Variants in IQSEC1 observed in about 807,000 individuals in gnomAD.
The protein encoded by IQSEC1 is IQ motif and SEC7 domain-containing protein 1.
A neutral mutation model predicts 91.0 loss-of-function variants in IQSEC1; 31 were observed. The observed-to-expected ratio is 0.34, with a 90% CI of 0.26 to 0.46. The LOEUF (loss-of-function observed/expected upper bound fraction) is 0.46, where lower values mean the gene tolerates loss of function less well. Among genes scored for constraint, IQSEC1 ranks in the 20% least tolerant of loss-of-function variants. IQSEC1 has a pLI of 1.00. For synonymous variants in IQSEC1, 699 were observed against 662.6 expected (o/e 1.05, Z -0.84); for missense variants, 1,388 against 1,575.6 (o/e 0.88, Z 2.02).
chr3:13,220,307 A>G (rs1400164387), intron 1 of IQSEC1, among the ~76,000 whole-genome samples: 2 of 152,236 alleles, frequency 1.3e-5, no homozygotes, highest in African/African-American at 4.8e-5. Context: ...AAATGGTCAC[A>G]TAGGGCCTGT....
Position 12,985,659 on chromosome 3 carries a change from GA to G in IQSEC1, c.24-43795del, listed in dbSNP as rs1166725936. ...GGGCGGATTTAAAGGACGGGTGGCA[GA>G]GTGGGGGGGGTCACTGGATAGGGGA... On this transcript the variant is annotated intron_variant, in intron 1 of 13. Transcript: ENST00000613206. Among the ~76,000 whole-genome samples the G allele has an allele frequency of 7.9e-5, 12 of 152,280 alleles. 1 individual carries two copies. The highest frequency in any genetic ancestry group is 5.2e-4 in the Admixed American group (8 of 15,308).
At chr3:13,226,941 CAG>C (rs1694763207) in intron 1 of IQSEC1, among the ~76,000 whole-genome samples, 1 of 152,156 alleles carries the variant, frequency 6.6e-6, no homozygotes, top group Non-Finnish European at 1.5e-5. Flanking sequence ...GCACACCCAG[CAG>C]AGTCCTCCCT....
At chr3:13,218,229 C>G (rs1336577631) in intron 1 of IQSEC1, among the ~76,000 whole-genome samples, 3 of 152,198 alleles carry the variant, frequency 2.0e-5, no homozygotes, top group African/African-American at 7.2e-5. Context: ...TGTGCGAGGC[C>G]TGGGGCAAGG....
chr3:12,967,655 C>G lies in IQSEC1; in HGVS notation c.24-25790G>C. ...TCCGGCCCCAAGTCCGAGCCCCAGG[C>G]CAGCCAAGCCCGCCCCTCCGCCGCC... On this transcript the variant is annotated intron_variant, in intron 1 of 13. Coordinates refer to ENST00000613206, the MANE Select transcript of IQSEC1 (RefSeq NM_001134382.3). The surrounding 1 kb of genome is among the most constrained non-coding windows in gnomAD (Gnocchi z 5.9). The G allele has an allele frequency of 8.4e-7, 1 of 1,192,458 alleles. No individual in the cohort carries two copies. Among genetic ancestry groups the G allele is most frequent in the Non-Finnish European group, 1.0e-6 (1 of 964,002 alleles). The allele number at this position is 1,192,458 out of a possible 1,614,324, so 73.9% of individuals were successfully genotyped here. A position where few individuals can be genotyped will look rare whatever the true frequency, so the allele number is the denominator to read the frequency against.
intron 1 of IQSEC1, among the ~76,000 whole-genome samples, chr3:13,062,937 G>C (rs1705116237): frequency 6.6e-6 from 1 of 152,248 alleles, no homozygotes; most frequent in Admixed American, 6.5e-5. Flanking sequence ...AGCCACAGGG[G>C]TTGCTCTGAC....
intron 1 of IQSEC1, among the ~76,000 whole-genome samples, chr3:13,247,221 T>C (rs1695123172): frequency 6.6e-6 from 1 of 152,170 alleles, no homozygotes; most frequent in African/African-American, 2.4e-5. Context: ...ACCTAATAGA[T>C]GTGCCTGCCC....
chr3:13,129,815 G>A (rs576212027), intron 2 of IQSEC1, among the ~76,000 whole-genome samples: 135 of 151,482 alleles, frequency 8.9e-4, no homozygotes, highest in Non-Finnish European at 1.7e-3. Flanking sequence ...CCAACACCAC[G>A]CCCGGCTAGT....
intron 2 of IQSEC1, among the ~76,000 whole-genome samples, chr3:13,097,572 C>T (rs528540387): frequency 4.9e-4 from 75 of 152,320 alleles, no homozygotes; most frequent in African/African-American, 1.5e-3. Flanking sequence ...GCTCTGCAGC[C>T]GCCAGCCCCC....
At chr3:13,264,920 C>G (rs1695460415) in intron 1 of IQSEC1, among the ~76,000 whole-genome samples, 1 of 152,034 alleles carries the variant, frequency 6.6e-6, no homozygotes. Context: ...CTCTCCCTCT[C>G]TCTTTCTGTT....
chr3:13,072,728 G>A (rs533677392), intron 1 of IQSEC1, among the ~76,000 whole-genome samples: 2 of 152,200 alleles, frequency 1.3e-5, no homozygotes, highest in South Asian at 2.1e-4. Context: ...GATCTGGGAG[G>A]GGGGATACCT....
At chr3:13,039,928 C>T (rs1037160427) in intron 1 of IQSEC1, among the ~76,000 whole-genome samples, 2 of 152,240 alleles carry the variant, frequency 1.3e-5, no homozygotes, top group Admixed American at 1.3e-4. Flanking sequence ...TGGCCATGAG[C>T]CCTTGGACAA....
At chr3:13,279,616 AC>A (rs1295044818) in intron 1 of IQSEC1, among the ~76,000 whole-genome samples, 1 of 151,852 alleles carries the variant, frequency 6.6e-6, no homozygotes, top group Non-Finnish European at 1.5e-5. Context: ...CATCCATCCA[AC>A]CCCCCTCGAG....
rs1223083588 is a variant in IQSEC1 at position 13,259,682 on chromosome 3, A to G, written c.272+23029T>C. 6.6e-6 allele frequency among the ~76,000 whole-genome samples: 1 copy of G among 152,188 alleles called. No homozygotes were observed. On this transcript the variant is annotated intron_variant, in intron 1 of 15. Transcript: ENST00000648114. The surrounding 1 kb of genome is among the most constrained non-coding windows in gnomAD (Gnocchi z 4.6). ...GCTCCACAACCATCTCCTTGGGTCC[A>G]TGGGGTCTCCCACAAACCTCCTTTC...
At chr3:13,198,741 C>T (rs1388699128) in intron 1 of IQSEC1, among the ~76,000 whole-genome samples, 4 of 152,210 alleles carry the variant, frequency 2.6e-5, no homozygotes, top group African/African-American at 9.6e-5. Context: ...TTCTCCACCA[C>T]AAGAAGAGGC....
intron 2 of IQSEC1, among the ~76,000 whole-genome samples, chr3:13,152,407 C>T (rs1438638277): frequency 2.6e-5 from 4 of 152,176 alleles, no homozygotes; most frequent in Admixed American, 1.3e-4. Context: ...AATATTAATA[C>T]ACTATTTTCA....
intron 1 of IQSEC1, among the ~76,000 whole-genome samples, chr3:13,221,026 G>T (rs1310808421): frequency 6.6e-6 from 1 of 152,268 alleles, no homozygotes; most frequent in East Asian, 1.9e-4. Flanking sequence ...GAAAGGCAGC[G>T]ACTGAGGCTT....
At chr3:13,015,531 T>C (rs1703083324) in intron 1 of IQSEC1, 1 of 984,284 alleles carries the variant, frequency 1.0e-6, no homozygotes, top group African/African-American at 1.7e-5. Context: ...CACAGGTTTC[T>C]CAGGGCTGCT....
intron 1 of IQSEC1, among the ~76,000 whole-genome samples, chr3:13,198,572 A>G (rs1694178230): frequency 6.6e-6 from 1 of 152,042 alleles, no homozygotes; most frequent in African/African-American, 2.4e-5. Context: ...TGGGTGGCAC[A>G]GGGAAATGCA....
intron 1 of IQSEC1, among the ~76,000 whole-genome samples, chr3:13,272,342 C>T (rs1042149039): frequency 3.3e-5 from 5 of 152,222 alleles, no homozygotes; most frequent in African/African-American, 7.2e-5. Flanking sequence ...GGAGGGGTGG[C>T]GGCAACCCCT....
Sources: allele counts gnomAD v4.1 joint callset (sites outside exome capture counted in the v4.1 genomes callset), GRCh38; gene constraint gnomAD v4.1.1; non-coding constraint Gnocchi (gnomAD v3.1); transcripts MANE v1.5; gene names NCBI Gene and HGNC (gene_info 2026-07-23, HGNC 2026-07-21).